Variants in PIBF1 observed in about 807,000 individuals in gnomAD.
The protein encoded by PIBF1 is progesterone-induced-blocking factor 1.
PIBF1 carries 90 observed loss-of-function variants against 112.5 expected under a neutral mutation model. The observed-to-expected ratio is 0.80, with a 90% CI of 0.67 to 0.95. The LOEUF is 0.95. PIBF1 is among the 40% of genes least tolerant of loss of function. The probability of loss-of-function intolerance (pLI) is 0.00; values close to 1 mark genes in which losing one functional copy is unlikely to be tolerated. For synonymous variants in PIBF1, 301 were observed against 288.6 expected (o/e 1.04, Z -0.44); for missense variants, 915 against 852.3 (o/e 1.07, Z -0.92).
intron 14 of PIBF1, among the ~76,000 whole-genome samples, chr13:72,946,714 T>G (rs1030406223): frequency 6.6e-6 from 1 of 152,204 alleles, no homozygotes; most frequent in Non-Finnish European, 1.5e-5. Context: ...GGCCCCATGT[T>G]AAGTCCAAAA....
At chr13:72,861,761 T>A (rs1017731173) in intron 10 of PIBF1, among the ~76,000 whole-genome samples, 4 of 152,182 alleles carry the variant, frequency 2.6e-5, no homozygotes, top group African/African-American at 9.6e-5. Flanking sequence ...GTATGGGGTT[T>A]CGCCATGTTG....
intron 2 of PIBF1, among the ~76,000 whole-genome samples, chr13:72,790,635 AAAGT>A (rs1242406833): frequency 1.3e-5 from 2 of 152,152 alleles, no homozygotes; most frequent in Non-Finnish European, 2.9e-5. Flanking sequence ...AGAGGGCTAT[AAAGT>A]AAGTCAAAGG....
intron 14 of PIBF1, among the ~76,000 whole-genome samples, chr13:72,956,601 G>A (rs189181403): frequency 4.6e-4 from 70 of 152,214 alleles, no homozygotes; most frequent in African/African-American, 1.6e-3. Flanking sequence ...ATTCTGTCCT[G>A]TTTTGGCATT....
chr13:72,957,771 T>C (rs1429040236), intron 14 of PIBF1, among the ~76,000 whole-genome samples: 6 of 151,612 alleles, frequency 4.0e-5, no homozygotes, highest in African/African-American at 1.2e-4. Flanking sequence ...AGACCCTATC[T>C]CTAAAAAAAG....
chr13:72,884,424 C>T (rs902167625), intron 10 of PIBF1: 23 of 152,060 alleles, frequency 1.5e-4, no homozygotes, highest in African/African-American at 5.6e-4. Context: ...ATAAAAGCAC[C>T]AAATTTCAGC....
At chr13:72,901,024 A>G (rs1246696822) in intron 11 of PIBF1, 1 of 431,282 alleles carries the variant, frequency 2.3e-6, no homozygotes, top group East Asian at 7.4e-5. Context: ...CTCCGTCTCA[A>G]AACAAAAAGC....
At chr13:72,954,726 G>A (rs1414482377) in intron 14 of PIBF1, among the ~76,000 whole-genome samples, 1 of 152,208 alleles carries the variant, frequency 6.6e-6, no homozygotes, top group Non-Finnish European at 1.5e-5. Context: ...TTTCCATCTG[G>A]TTCACAGTGT....
At chr13:72,965,941 C>A (rs1377749879) in intron 15 of PIBF1, among the ~76,000 whole-genome samples, 1 of 151,654 alleles carries the variant, frequency 6.6e-6, no homozygotes, top group African/African-American at 2.4e-5. Flanking sequence ...GAGATCTTAT[C>A]CAAAAAAAAT....
intron 11 of PIBF1, among the ~76,000 whole-genome samples, chr13:72,898,145 C>G (rs1458140332): frequency 1.3e-5 from 2 of 152,056 alleles, no homozygotes; most frequent in Non-Finnish European, 2.9e-5. Context: ...AACTGGAAAT[C>G]AACTCCAAAA....
At chr13:72,986,563 G>A (rs532591426) in intron 16 of PIBF1, among the ~76,000 whole-genome samples, 6 of 152,142 alleles carry the variant, frequency 3.9e-5, no homozygotes, top group South Asian at 2.1e-4. Flanking sequence ...GTTATGTCCC[G>A]GAGGCTGTAA....
At chr13:72,812,150 A>C (rs189382440) in intron 5 of PIBF1, among the ~76,000 whole-genome samples, 1 of 152,108 alleles carries the variant, frequency 6.6e-6, no homozygotes, top group East Asian at 1.9e-4. Flanking sequence ...GACCTTACCA[A>C]ATACTTTGGT....
At position 72,795,557 on chromosome 13, in the gene PIBF1, TGTAA is replaced by T. The variant is rs779132482; in HGVS notation, c.552+4_552+7del. 10 of 1,476,928 alleles carry T rather than the reference TGTAA, an allele frequency of 6.8e-6. No individual in the cohort carries two copies. The highest frequency in any genetic ancestry group is 1.8e-4 in the Middle Eastern group (1 of 5,426). 91.5% of individuals were successfully genotyped at this position (1,476,928 alleles called of 1,614,324 possible). ...AGCTTTCTATTCCTGAATATGTATC[TGTAA>T]GTATCTTATATCTATTTTTAACTAT... On this transcript the variant is annotated splice_donor_variant and splice_donor_region_variant and intron_variant, in intron 4 of 17. Transcript: ENST00000326291. LOFTEE classifies it high-confidence loss of function.
intron 10 of PIBF1, among the ~76,000 whole-genome samples, chr13:72,859,273 A>G (rs2038585749): frequency 6.6e-6 from 1 of 152,180 alleles, no homozygotes; most frequent in Non-Finnish European, 1.5e-5. Flanking sequence ...GATATATTGC[A>G]GGGGTAAAGC....
intron 10 of PIBF1, among the ~76,000 whole-genome samples, chr13:72,855,119 T>C (rs915309817): frequency 6.6e-6 from 1 of 152,204 alleles, no homozygotes; most frequent in African/African-American, 2.4e-5. Context: ...GTTCACATAC[T>C]AATAAACTTT....
At position 72,931,264 on chromosome 13, in the gene PIBF1, A is replaced by T; in HGVS notation, c.1830A>T (p.Gln610His). Reference sequence around the variant, plus strand: ...AGGACCAAGTAACACAGCTTTCACAAGAGGTAAATAACTTAAAGAAACCCA... The same window carrying T: ...AGGACCAAGTAACACAGCTTTCACATGAGGTAAATAACTTAAAGAAACCCA... ...HRKDQVTQLS[Q>H]ELDRANSLLN... Residue 610 changes from glutamine to histidine, a missense_variant, in exon 14 of 18, where the codon CAA becomes CAT. Gln to His is a conservative substitution (Grantham distance 24). Transcript: ENST00000326291. 6.3e-7 allele frequency: 1 copy of T among 1,576,040 alleles called. No homozygotes were observed. Among genetic ancestry groups the T allele is most frequent in the East Asian group, 2.2e-5 (1 of 44,534 alleles).
chr13:72,804,871 A>C (rs1214902636), intron 5 of PIBF1, among the ~76,000 whole-genome samples: 1 of 152,244 alleles, frequency 6.6e-6, no homozygotes, highest in Non-Finnish European at 1.5e-5. Flanking sequence ...AAATAAAAGG[A>C]AGTGTTACTT....
intron 10 of PIBF1, among the ~76,000 whole-genome samples, chr13:72,887,212 C>T (rs1186660172): frequency 6.6e-6 from 1 of 151,508 alleles, no homozygotes; most frequent in Non-Finnish European, 1.5e-5. Context: ...CAAAAGAAAA[C>T]AGTTGGTAGA....
At chr13:72,840,670 C>T (rs1418479178) in intron 9 of PIBF1, among the ~76,000 whole-genome samples, 3 of 151,690 alleles carry the variant, frequency 2.0e-5, no homozygotes, top group Admixed American at 1.3e-4. Flanking sequence ...ATTACAGGTT[C>T]GCGCCACCAC....
intron 11 of PIBF1, among the ~76,000 whole-genome samples, chr13:72,896,250 G>A (rs749974554): frequency 6.6e-6 from 1 of 152,104 alleles, no homozygotes; most frequent in Non-Finnish European, 1.5e-5. Flanking sequence ...CAGGAAAAGG[G>A]GTAGGGTACT....
Sources: allele counts gnomAD v4.1 joint callset (sites outside exome capture counted in the v4.1 genomes callset), GRCh38; gene constraint gnomAD v4.1.1; transcripts MANE v1.5; gene names NCBI Gene and HGNC (gene_info 2026-07-23, HGNC 2026-07-21).